The following MDN1 variants were observed in gnomAD, a reference collection of about 807,000 sequenced individuals.
MDN1 encodes the protein midasin.
Under a neutral mutation model 669.2 loss-of-function variants are expected in MDN1, and 266 were observed. That is an observed-to-expected ratio of 0.40 (90% CI 0.36 to 0.44). The LOEUF is 0.44. Among genes scored for constraint, MDN1 ranks in the 20% least tolerant of loss-of-function variants. The pLI, the probability that MDN1 is intolerant of heterozygous loss-of-function variation, is 1.00. For synonymous variants in MDN1, 2,385 were observed against 2,457.1 expected (o/e 0.97, Z 0.87); for missense variants, 5,940 against 6,754.0 (o/e 0.88, Z 4.22).
intron 18 of MDN1, 85 bp from the exon 19 acceptor site, chr6:89,758,436 C>T: frequency 9.3e-7 from 1 of 1,070,568 alleles, no homozygotes; most frequent in Non-Finnish European, 1.4e-6. Context: ...CTGATGCTGG[C>T]TGCTCACACC....
intron 34 of MDN1, among the ~76,000 whole-genome samples, chr6:89,731,214 T>C (rs1325221024): frequency 6.6e-6 from 1 of 152,226 alleles, no homozygotes; most frequent in Non-Finnish European, 1.5e-5. Flanking sequence ...TTTATTTATA[T>C]TTCAAATCTT....
intron 31 of MDN1, 126 bp from the exon 32 acceptor site, chr6:89,740,504 G>T: frequency 1.1e-6 from 1 of 897,290 alleles, no homozygotes. Context: ...TTAGTTAATG[G>T]TTTCCTATCA....
At chr6:89,793,695 CA>C in intron 5 of MDN1, 66 bp downstream of exon 5, 1 of 1,365,886 alleles carries the variant, frequency 7.3e-7, no homozygotes, top group East Asian at 2.4e-5. Flanking sequence ...AGAACCCAGC[CA>C]AAGACAGAGC....
At chr6:89,727,125 C>A (rs1815287360) in intron 37 of MDN1, among the ~76,000 whole-genome samples, 1 of 152,066 alleles carries the variant, frequency 6.6e-6, no homozygotes, top group African/African-American at 2.4e-5. Flanking sequence ...TCCTTGTTAT[C>A]CCAAGAATAA....
intron 87 of MDN1, 38 bp from the exon 88 acceptor site, chr6:89,661,616 TACAA>T: frequency 6.4e-7 from 1 of 1,554,830 alleles, no homozygotes; most frequent in Non-Finnish European, 8.7e-7. Context: ...AAAATAAAAA[TACAA>T]ATATTTTTTT....
intron 93 of MDN1, among the ~76,000 whole-genome samples, chr6:89,653,632 G>A (rs1263329870): frequency 1.3e-5 from 2 of 152,162 alleles, no homozygotes; most frequent in Non-Finnish European, 2.9e-5. Flanking sequence ...TGAGAGGACA[G>A]GAACTAAGCA....
At chr6:89,687,553 T>C in intron 67 of MDN1, 115 bp from the exon 68 acceptor site, 1 of 744,908 alleles carries the variant, frequency 1.3e-6, no homozygotes, top group Non-Finnish European at 2.2e-6. Flanking sequence ...CTTAAACAAC[T>C]TGCACCAATT....
chr6:89,785,118 C>T lies in MDN1; in HGVS notation c.1343G>A (p.Ser448Asn). ...FQFFATRRLL[S>N]CGGNWYRPLN... ...CGGTCGATACCAATTTCCTCCACAG[C>T]TCAAGAGTCTACGTTTCAAAATAAA... The change falls in exon 9 of 102, where the codon AGC becomes AAC. Residue 448 changes from serine to asparagine, a missense_variant. This residue lies in a region of MDN1 where 1,203 missense variants were observed against 1,268.9 expected (regional missense o/e 0.95). Coordinates refer to ENST00000369393, the MANE Select transcript of MDN1 (RefSeq NM_014611.3). 6.2e-7 allele frequency: 1 copy of T among 1,611,192 alleles called. No homozygotes were observed. Among genetic ancestry groups the T allele is most frequent in the Non-Finnish European group, 8.5e-7 (1 of 1,177,888 alleles).
At position 89,643,228 on chromosome 6, in the gene MDN1, A is replaced by AAAAT. The variant is rs1428215193; in HGVS notation, c.*773_*776dup. ...TTCCCCTTGACTGTTAAGAAAAAAA[A>AAAAT]AAATGAACTAAACAAATAAATTACT... On this transcript the variant is annotated 3_prime_UTR_variant, in exon 102 of 102. Coordinates refer to ENST00000369393, the MANE Select transcript of MDN1 (RefSeq NM_014611.3). The AAAAT allele has an allele frequency of 6.6e-6, 1 of 152,230 alleles. No homozygotes were observed. The highest frequency in any genetic ancestry group is 1.9e-4 in the East Asian group (1 of 5,208). The allele number at this position is 152,230 out of a possible 1,614,324, so 9.4% of individuals were successfully genotyped here.
At chr6:89,794,259 GAATA>G (rs1819450684) in intron 3 of MDN1, 52 bp from the exon 4 acceptor site, 1 of 1,056,792 alleles carries the variant, frequency 9.5e-7, no homozygotes, top group Non-Finnish European at 1.4e-6. Context: ...TGATAATAAA[GAATA>G]AATAAAATCC....
Position 89,772,456 on chromosome 6 carries a change from TG to T in MDN1, c.2083+116del, listed in dbSNP as rs1393678295. The stretch of plus-strand genomic sequence containing the variant: ...TAGTTATTTCCAGGCAGAGATTACA[TG>T]TGGGGTGCTGGCACTCTTTAAACTC... On this transcript the variant is annotated intron_variant, in intron 14 of 101. Coordinates refer to ENST00000369393, the MANE Select transcript of MDN1 (RefSeq NM_014611.3). The T allele has an allele frequency of 6.5e-6, 7 of 1,075,496 alleles. No homozygotes were observed. The East Asian group carries it at 1.2e-4, about 18-fold the overall frequency. 66.6% of individuals were successfully genotyped at this position (1,075,496 alleles called of 1,614,324 possible).
chr6:89,650,703 T>C, intron 96 of MDN1, 29 bp downstream of exon 96: 1 of 1,558,188 alleles, frequency 6.4e-7, no homozygotes. Context: ...CTCAGGGCAC[T>C]GTGAGGCCTT....
intron 32 of MDN1, 44 bp downstream of exon 32, chr6:89,740,190 G>A (rs776416901): frequency 1.3e-6 from 2 of 1,598,584 alleles, no homozygotes; most frequent in East Asian, 4.5e-5. Context: ...CCAGTAAGCT[G>A]AGGTCAAAAC....
intron 60 of MDN1, 111 bp downstream of exon 60, chr6:89,696,249 C>A (rs1277818399): frequency 1.2e-5 from 15 of 1,223,278 alleles, no homozygotes; most frequent in Non-Finnish European, 1.7e-5. Flanking sequence ...AATACCCTCA[C>A]TTCAAACACC....
intron 85 of MDN1, among the ~76,000 whole-genome samples, chr6:89,663,731 G>A (rs1584118372): frequency 1.3e-5 from 2 of 151,732 alleles, no homozygotes; most frequent in Non-Finnish European, 2.9e-5. Context: ...TCAGGAGATC[G>A]AGACCATCCT....
At chr6:89,706,837 CAT>C (rs1343274298) in intron 52 of MDN1, among the ~76,000 whole-genome samples, 10 of 151,810 alleles carry the variant, frequency 6.6e-5, no homozygotes, top group Non-Finnish European at 1.5e-4. Flanking sequence ...TATGAGAAAA[CAT>C]AAATGAAACT....
At chr6:89,697,826 C>A (rs1812870762) in intron 59 of MDN1, among the ~76,000 whole-genome samples, 1 of 152,060 alleles carries the variant, frequency 6.6e-6, no homozygotes, top group Admixed American at 6.6e-5. Context: ...AAATGATCCA[C>A]CCACCTCAGC....
Position 89,673,439 on chromosome 6 carries a change from G to A in MDN1, c.13271C>T (p.Ser4424Phe). Residue 4424 changes from serine to phenylalanine, a missense_variant, in exon 80 of 102, where the codon TCT (serine) becomes TTT (phenylalanine). Physicochemically the swap from Ser to Phe is radical, Grantham distance 155. Coordinates refer to ENST00000369393, the MANE Select transcript of MDN1 (RefSeq NM_014611.3). ...CACCTGGGACAAGCAACTCAGCGCAGAAGAGCAAACTTCAAAATCTTTCCT... is the reference window on the plus strand; with the variant it reads ...CACCTGGGACAAGCAACTCAGCGCAAAAGAGCAAACTTCAAAATCTTTCCT... ...HSWKDFEVCS[S>F]ALSCLSQVSV... 6.2e-7 allele frequency: 1 copy of A among 1,614,162 alleles called. No homozygotes were observed. Among genetic ancestry groups the A allele is most frequent in the Non-Finnish European group, 8.5e-7 (1 of 1,180,006 alleles).
At chr6:89,660,350 A>C (rs181981761) in intron 88 of MDN1, among the ~76,000 whole-genome samples, 2 of 151,516 alleles carry the variant, frequency 1.3e-5, no homozygotes, top group Admixed American at 1.3e-4. Flanking sequence ...ATGCCCAACT[A>C]ATTTTTTTTT....
Sources: gnomAD v4.1 joint callset for allele counts (sites outside exome capture counted in the v4.1 genomes callset) on GRCh38, gnomAD v4.1.1 for gene constraint, gnomAD v4.1.1 regional missense constraint, MANE v1.5 for transcripts, NCBI Gene and HGNC (gene_info 2026-07-23, HGNC 2026-07-21) for gene names.